The following LIMA1 variants were observed in gnomAD, a reference collection of about 807,000 sequenced individuals.
LIMA1 encodes LIM domain and actin-binding protein 1.
Under a neutral mutation model 62.6 loss-of-function variants are expected in LIMA1, and 52 were observed. The observed-to-expected ratio is 0.83, with a 90% confidence interval of 0.67 to 1.05. The LOEUF is 1.05. LIMA1 is among the 50% of genes least tolerant of loss of function. LIMA1 has a pLI of 0.00. For missense variants in LIMA1, 780 were observed against 902.2 expected (o/e 0.86, Z 1.74); for synonymous variants, 302 against 317.8 (o/e 0.95, Z 0.53).
chr12:50,195,549 A>C (rs201054758), intron 8 of LIMA1: 1 of 294,782 alleles, frequency 3.4e-6, no homozygotes. Flanking sequence ...ATTAGTTTAT[A>C]CAGCTTCAAT....
At chr12:50,261,978 T>G (rs923104402) in intron 1 of LIMA1, among the ~76,000 whole-genome samples, 4 of 152,212 alleles carry the variant, frequency 2.6e-5, no homozygotes, top group Non-Finnish European at 4.4e-5. Flanking sequence ...TAGAGACTAG[T>G]GTTTCTGGGG....
At chr12:50,242,156 C>T (rs1300789988) in intron 2 of LIMA1, among the ~76,000 whole-genome samples, 1 of 151,178 alleles carries the variant, frequency 6.6e-6, no homozygotes, top group Non-Finnish European at 1.5e-5. Context: ...TGTATGCCCT[C>T]AAATAGAGCA....
In LIMA1 at chr12:50,178,964, A is replaced by ATTTTT. The variant is rs555323460; in HGVS notation, c.1275-896_1275-895insAAAAA. Reference sequence around the variant, plus strand: ...GGTATATAAATACATATATATATATATATTTTTTTTTTCTTTTTCTTTTCT... The same window carrying ATTTTT: ...GGTATATAAATACATATATATATATATTTTTTATTTTTTTTTTCTTTTTCTTTTCT... On this transcript the variant is annotated intron_variant, in intron 10 of 10. Transcript: ENST00000341247. Among the ~76,000 whole-genome samples the ATTTTT allele has an allele frequency of 0.015, 1,342 of 92,178 alleles. 15 individuals are homozygous for ATTTTT. The East Asian group carries it at 0.18, about 13-fold the overall frequency. The allele number at this position is 92,178 out of a possible 152,430, so 60.5% of individuals were successfully genotyped here.
At chr12:50,279,010 C>T (rs1238325993) in intron 1 of LIMA1, among the ~76,000 whole-genome samples, 1 of 137,640 alleles carries the variant, frequency 7.3e-6, no homozygotes, top group Non-Finnish European at 1.6e-5. Context: ...CTTTTCTTTT[C>T]TTTTTTTTTT....
chr12:50,182,047 A>G lies in LIMA1; in HGVS notation c.1141-10T>C. ...CAGGTGCCTGAAACTTCTAGGAAAA[A>G]CAAAAAGACAACTTTAGCATGGGCA... On this transcript the variant is annotated splice_polypyrimidine_tract_variant and intron_variant, in intron 9 of 10. Coordinates refer to ENST00000341247, the MANE Select transcript of LIMA1 (RefSeq NM_016357.5). The G allele has an allele frequency of 5.6e-6, 9 of 1,612,256 alleles. No individual in the cohort carries two copies. Among genetic ancestry groups the G allele is most frequent in the Non-Finnish European group, 6.8e-6 (8 of 1,179,926 alleles).
chr12:50,216,733 G>T (rs749978177), intron 4 of LIMA1, among the ~76,000 whole-genome samples: 1 of 151,982 alleles, frequency 6.6e-6, no homozygotes, highest in Non-Finnish European at 1.5e-5. Flanking sequence ...GAATGGCAGC[G>T]GACACCTGTA....
At chr12:50,248,895 A>C in intron 1 of LIMA1, 121 bp from the exon 2 acceptor site, 1 of 638,052 alleles carries the variant, frequency 1.6e-6, no homozygotes, top group East Asian at 2.6e-5. Context: ...GTTCTCCCCC[A>C]AACTGTGTAA....
At chr12:50,216,419 T>A (rs1941346000) in intron 4 of LIMA1, among the ~76,000 whole-genome samples, 1 of 151,986 alleles carries the variant, frequency 6.6e-6, no homozygotes, top group Non-Finnish European at 1.5e-5. Flanking sequence ...TTCTCCATGT[T>A]GGTCAGGCTG....
intron 3 of LIMA1, chr12:50,229,811 G>C (rs1453526779): frequency 6.6e-6 from 1 of 152,174 alleles, no homozygotes; most frequent in African/African-American, 2.4e-5. Context: ...GACACCATTT[G>C]ACCTTTCTCT....
intron 1 of LIMA1, among the ~76,000 whole-genome samples, chr12:50,259,248 A>AATC (rs1942036239): frequency 6.6e-6 from 1 of 152,170 alleles, no homozygotes; most frequent in Non-Finnish European, 1.5e-5. Context: ...GCCCTTTTCC[A>AATC]AACTGCCCTA....
At chr12:50,229,896 C>A (rs1941584190) in intron 3 of LIMA1, 2 of 152,514 alleles carry the variant, frequency 1.3e-5, no homozygotes, top group Non-Finnish European at 2.9e-5. Context: ...CCTGACTCTT[C>A]TCCCTGGCTC....
chr12:50,243,361 C>G (rs571000345), intron 2 of LIMA1, among the ~76,000 whole-genome samples: 14 of 152,170 alleles, frequency 9.2e-5, no homozygotes, highest in Non-Finnish European at 1.9e-4. Flanking sequence ...ATAGGACTCA[C>G]TATTTGCAAA....
At position 50,182,021 on chromosome 12, in the gene LIMA1, G is replaced by A; in HGVS notation, c.1157C>T (p.Ala386Val). ...PKAMKKFQAPARETCVECQKT... is the reference protein window; with the variant it reads ...PKAMKKFQAPVRETCVECQKT... ...CTGACATTCCACGCAGGTCTCTCTTGCAGGTGCCTGAAACTTCTAGGAAAA... is the reference window on the plus strand; with the variant it reads ...CTGACATTCCACGCAGGTCTCTCTTACAGGTGCCTGAAACTTCTAGGAAAA... Residue 386 changes from alanine to valine, a missense_variant, in exon 10 of 11, where the codon GCA becomes GTA. Transcript: ENST00000341247. 6.2e-7 allele frequency: 1 copy of A among 1,612,720 alleles called. No homozygotes were observed. Among genetic ancestry groups the A allele is most frequent in the Non-Finnish European group, 8.5e-7 (1 of 1,179,988 alleles).
At chr12:50,270,050 C>T (rs964057540) in intron 1 of LIMA1, among the ~76,000 whole-genome samples, 4 of 146,730 alleles carry the variant, frequency 2.7e-5, no homozygotes, top group South Asian at 2.2e-4. Context: ...GCCTGACCAA[C>T]GTGGAGAAAC....
intron 8 of LIMA1, among the ~76,000 whole-genome samples, chr12:50,193,001 TGTGCGCGC>T (rs1323755782): frequency 2.9e-5 from 4 of 139,712 alleles, no homozygotes; most frequent in African/African-American, 8.1e-5. Flanking sequence ...TGTGTGTGTG[TGTGCGCGC>T]GTGCGCGCAT....
chr12:50,261,392 G>T (rs1292127708), intron 1 of LIMA1, among the ~76,000 whole-genome samples: 2 of 151,780 alleles, frequency 1.3e-5, no homozygotes, highest in Non-Finnish European at 2.9e-5. Flanking sequence ...AATAAAATTG[G>T]ACAAAGCTTT....
intron 1 of LIMA1, among the ~76,000 whole-genome samples, chr12:50,262,164 T>C (rs546952513): frequency 6.6e-6 from 1 of 152,172 alleles, no homozygotes; most frequent in Admixed American, 6.5e-5. Flanking sequence ...ACTGAGATAA[T>C]TTAGGTGTTT....
intron 7 of LIMA1, among the ~76,000 whole-genome samples, chr12:50,200,346 G>A (rs1453808669): frequency 1.3e-5 from 2 of 152,092 alleles, no homozygotes; most frequent in African/African-American, 4.8e-5. Flanking sequence ...TGGGATTACA[G>A]GCATGCACCC....
At position 50,222,379 on chromosome 12, in the gene LIMA1, C is replaced by A; in HGVS notation, c.272G>T (p.Arg91Leu). 1 of 1,614,134 alleles carries A rather than the reference C, an allele frequency of 6.2e-7. No homozygotes were observed. Among genetic ancestry groups the A allele is most frequent in the Non-Finnish European group, 8.5e-7 (1 of 1,180,024 alleles). Residue 91 changes from arginine (R) to leucine (L), a missense_variant, in exon 4 of 11, where the codon CGG becomes CTG. Arg to Leu is a moderately radical substitution (Grantham distance 102). Transcript: ENST00000341247. ...LGAESHTDSL[R>L]NSSTEIRHRA... is the part of the protein sequence containing the mutation. ...GTGCCTAATCTCAGTGCTGCTGTTC[C>A]GTAGAGAGTCTGTGTGAGACTCTGC...
Sources: allele counts gnomAD v4.1 joint callset (sites outside exome capture counted in the v4.1 genomes callset), GRCh38; gene constraint gnomAD v4.1.1; transcripts MANE v1.5; gene names NCBI Gene and HGNC (gene_info 2026-07-23, HGNC 2026-07-21).